The following PTCHD4 variants were observed in gnomAD, a reference collection of about 807,000 sequenced individuals.
PTCHD4 encodes the protein patched domain-containing protein 4.
PTCHD4 carries 33 observed loss-of-function variants against 58.1 expected under a neutral mutation model. That is an observed-to-expected ratio of 0.57 (90% CI 0.43 to 0.76). PTCHD4 has a LOEUF of 0.76. Among genes scored for constraint, PTCHD4 ranks in the 30% least tolerant of loss-of-function variants. The pLI, the probability that PTCHD4 is intolerant of heterozygous loss-of-function variation, is 0.00. For synonymous variants in PTCHD4, 478 were observed against 409.6 expected (o/e 1.17, Z -2.02); for missense variants, 1,058 against 1,027.1 (o/e 1.03, Z -0.41).
intron 3 of PTCHD4, among the ~76,000 whole-genome samples, chr6:48,067,008 T>A (rs1169457335): frequency 2.6e-5 from 4 of 152,146 alleles, no homozygotes; most frequent in African/African-American, 9.7e-5. Context: ...TCCTTTCTAT[T>A]CCACTATCTC....
chr6:47,990,677 T>A (rs1203588416), intron 4 of PTCHD4, among the ~76,000 whole-genome samples: 1 of 152,188 alleles, frequency 6.6e-6, no homozygotes, highest in Non-Finnish European at 1.5e-5. Flanking sequence ...TGAAACTCTT[T>A]TTCTTCCCAG....
intron 1 of PTCHD4, among the ~76,000 whole-genome samples, chr6:48,099,511 A>C (rs1482445216): frequency 6.6e-6 from 1 of 152,216 alleles, no homozygotes; most frequent in Non-Finnish European, 1.5e-5. Flanking sequence ...AAGCCTTTGA[A>C]ATGGAAATAT....
At chr6:47,984,345 G>T (rs562678125) in intron 4 of PTCHD4, among the ~76,000 whole-genome samples, 34 of 152,086 alleles carry the variant, frequency 2.2e-4, no homozygotes, top group Non-Finnish European at 4.4e-4. Context: ...ATCTTGCATG[G>T]TGACAGGAGA....
Position 47,879,739 on chromosome 6 carries a change from G to C in PTCHD4, c.1096C>G (p.Gln366Glu). Residue 366 changes from glutamine (Q) to glutamate (E), a missense_variant, in exon 5 of 5, where the codon CAA becomes GAA. Transcript: ENST00000339488. ...TNIEAVKVFC[Q>E]NMCVSILLNY... The stretch of plus-strand genomic sequence containing the variant: ...AACAGAATAGAGACACACATGTTTT[G>C]ACAGAAGACCTTCACAGCCTCTATG... The C allele has an allele frequency of 6.2e-7, 1 of 1,613,654 alleles. No individual in the cohort carries two copies. Among genetic ancestry groups the C allele is most frequent in the African/African-American group, 1.3e-5 (1 of 75,004 alleles).
chr6:47,997,877 C>T (rs1477534625), intron 4 of PTCHD4, among the ~76,000 whole-genome samples: 4 of 152,210 alleles, frequency 2.6e-5, no homozygotes, highest in Non-Finnish European at 5.9e-5. Flanking sequence ...TTATCTTTCT[C>T]TGCCAATTTT....
chr6:48,102,267 A>C (rs13216701), intron 1 of PTCHD4, among the ~76,000 whole-genome samples: 17,727 of 152,206 alleles, frequency 0.12, 1,224 homozygotes, highest in Non-Finnish European at 0.16. Flanking sequence ...TTACCAAATG[A>C]AACTCCTGAC....
At chr6:48,035,903 T>G (rs1223201624) in intron 3 of PTCHD4, among the ~76,000 whole-genome samples, 1 of 152,138 alleles carries the variant, frequency 6.6e-6, no homozygotes, top group East Asian at 1.9e-4. Flanking sequence ...TTGGTTGTAT[T>G]CAGAGTTGAG....
intron 1 of PTCHD4, among the ~76,000 whole-genome samples, chr6:48,109,575 G>C (rs111965896): frequency 2.6e-5 from 4 of 151,940 alleles, no homozygotes; most frequent in African/African-American, 7.2e-5. Context: ...AAACTAAAAA[G>C]CTCCTTCAGA....
At chr6:47,902,955 A>G (rs1210317298) in intron 4 of PTCHD4, among the ~76,000 whole-genome samples, 1 of 152,212 alleles carries the variant, frequency 6.6e-6, no homozygotes, top group Non-Finnish European at 1.5e-5. Flanking sequence ...TCTGGTTAGC[A>G]CAGATAATTT....
Position 48,094,073 on chromosome 6 carries a change from A to T in PTCHD4, c.-970+16976T>A, listed in dbSNP as rs188202998. Among the ~76,000 whole-genome samples the T allele has an allele frequency of 8.3e-4, 127 of 152,316 alleles. 2 individuals are homozygous for T. The highest frequency in any genetic ancestry group is 7.3e-3 in the Admixed American group (111 of 15,296). On this transcript the variant is annotated intron_variant, in intron 1 of 4. Transcript: ENST00000339488. ...GAAAAGAGGCATAGATTTAAAATGGATGTATTTCAGAAGATTTAGACGAAA... is the reference window on the plus strand; with the variant it reads ...GAAAAGAGGCATAGATTTAAAATGGTTGTATTTCAGAAGATTTAGACGAAA...
rs1277707893 is a variant in PTCHD4, at chr6:48,022,159, C to T, written c.418-13045G>A. Among the ~76,000 whole-genome samples, 4 of 151,512 alleles carry T rather than the reference C, an allele frequency of 2.6e-5. No homozygotes were observed. The East Asian group carries it at 5.8e-4, about 22-fold the overall frequency. On this transcript the variant is annotated intron_variant, in intron 3 of 4. Transcript: ENST00000339488. ...AAATATTCCCTCCCTCTTCCTTGTT[C>T]TATCTCCTTTCTCCCTCTCCTCTTC...
At chr6:47,947,155 G>A (rs945524213) in intron 4 of PTCHD4, among the ~76,000 whole-genome samples, 3 of 151,950 alleles carry the variant, frequency 2.0e-5, no homozygotes, top group Admixed American at 2.0e-4. Flanking sequence ...ATTTTTAATG[G>A]GTACTCTAGA....
intron 1 of PTCHD4, among the ~76,000 whole-genome samples, chr6:48,102,454 AAGCATTTTAAAAACTATTCTTGAGGGTGG>A (rs1378031347): frequency 6.6e-6 from 1 of 152,230 alleles, no homozygotes; most frequent in African/African-American, 2.4e-5. Flanking sequence ...TAAAAATGAA[AAGCATTTTAAAAACTATTCTTGAGGGTGG>A]AGCCAAGATG....
chr6:48,019,022 C>G (rs555009794), intron 3 of PTCHD4, among the ~76,000 whole-genome samples: 1 of 152,192 alleles, frequency 6.6e-6, no homozygotes, highest in Admixed American at 6.5e-5. Flanking sequence ...AACATTAACA[C>G]CTTTGACTGG....
intron 1 of PTCHD4, among the ~76,000 whole-genome samples, chr6:48,104,285 G>A (rs1265473710): frequency 2.5e-4 from 38 of 152,328 alleles, no homozygotes; most frequent in Admixed American, 2.1e-3. Context: ...GAAGAGAGTG[G>A]AGGCCAATAT....
At chr6:47,996,500 G>T (rs1050986524) in intron 4 of PTCHD4, among the ~76,000 whole-genome samples, 1 of 152,036 alleles carries the variant, frequency 6.6e-6, no homozygotes, top group Non-Finnish European at 1.5e-5. Flanking sequence ...CTCAGGCCCC[G>T]CAGTACCCTC....
intron 4 of PTCHD4, among the ~76,000 whole-genome samples, chr6:48,008,289 T>A (rs779610407): frequency 6.6e-6 from 1 of 152,218 alleles, no homozygotes; most frequent in African/African-American, 2.4e-5. Context: ...TGGCCATGAA[T>A]ATGGACCACA....
chr6:48,070,123 T>TTGTGTGTGTGTG (rs66484270), intron 1 of PTCHD4, among the ~76,000 whole-genome samples, 197 bp from the exon 2 acceptor site: 8 of 146,626 alleles, frequency 5.5e-5, no homozygotes, highest in African/African-American at 2.0e-4. Flanking sequence ...AAGTGTGTGT[T>TTGTGTGTGTGTG]TGTGTGTGTG....
At chr6:47,971,638 T>C (rs1767516179) in intron 4 of PTCHD4, among the ~76,000 whole-genome samples, 1 of 152,174 alleles carries the variant, frequency 6.6e-6, no homozygotes, top group African/African-American at 2.4e-5. Flanking sequence ...GGTGTGAGGA[T>C]GGAATAAAAA....
Sources: gnomAD v4.1 joint callset for allele counts (sites outside exome capture counted in the v4.1 genomes callset) on GRCh38, gnomAD v4.1.1 for gene constraint, MANE v1.5 for transcripts, NCBI Gene and HGNC (gene_info 2026-07-23, HGNC 2026-07-21) for gene names.